Variants in MYH14 observed in about 807,000 individuals in gnomAD.
MYH14 encodes the protein myosin-14.
A neutral mutation model predicts 255.5 loss-of-function variants in MYH14; 123 were observed. The observed-to-expected ratio is 0.48, with a 90% CI of 0.42 to 0.56. The LOEUF (loss-of-function observed/expected upper bound fraction) is 0.56, where lower values mean the gene tolerates loss of function less well. MYH14 is among the 20% of genes least tolerant of loss of function. The pLI is 0.00. For synonymous variants in MYH14, 1,095 were observed against 1,161.2 expected (o/e 0.94, Z 1.16); for missense variants, 2,423 against 2,802.3 (o/e 0.86, Z 3.06).
Position 50,276,213 on chromosome 19 carries a change from G to A in MYH14, c.3680+10G>A, listed in dbSNP as rs773742154. 54 of 1,525,120 alleles carry A rather than the reference G, an allele frequency of 3.5e-5. No homozygotes were observed. The highest frequency in any genetic ancestry group is 4.7e-5 in the Non-Finnish European group (53 of 1,133,872). 94.5% of individuals were successfully genotyped at this position (1,525,120 alleles called of 1,614,324 possible). ...CACAGCAGGAGCTCCGGTGAGGCCC[G>A]GTGGCAGGCCGCTGTCACAGCCTGT... On this transcript the variant is annotated intron_variant, in intron 28 of 42. Transcript: ENST00000642316. This position sits in a 1 kb window ranked among gnomAD's most constrained non-coding sequence, Gnocchi z 4.3.
At chr19:50,244,781 C>CATCTCA (rs2034036879) in intron 11 of MYH14, among the ~76,000 whole-genome samples, 1 of 152,168 alleles carries the variant, frequency 6.6e-6, no homozygotes, top group Non-Finnish European at 1.5e-5. Flanking sequence ...CCGTGCCTGG[C>CATCTCA]CGATTTCCTG....
At position 50,289,637 on chromosome 19, in the gene MYH14, C is replaced by T. The variant is rs556985742; in HGVS notation, c.4954C>T (p.Leu1652=). The T allele has an allele frequency of 3.1e-6, 5 of 1,607,628 alleles. No individual in the cohort carries two copies. In the South Asian group the frequency reaches 4.4e-5, roughly 14 times the overall value. The part of the protein sequence containing the change: ...DEAGEERRRQ[L]AKQLRDAEVE... ...GGCTGGTGAAGAGAGGCGGAGGCAGCTGGCCAAGCAGGTATTGTCACACAG... is the reference window on the plus strand; with the variant it reads ...GGCTGGTGAAGAGAGGCGGAGGCAGTTGGCCAAGCAGGTATTGTCACACAG... The change falls in exon 35 of 43, where the codon CTG becomes TTG. Residue 1652 remains leucine (L), a synonymous_variant. Transcript: ENST00000642316.
At chr19:50,238,711 C>G (rs1468857126) in intron 10 of MYH14, among the ~76,000 whole-genome samples, 1 of 152,132 alleles carries the variant, frequency 6.6e-6, no homozygotes, top group East Asian at 1.9e-4. Flanking sequence ...CTTGGCCTCC[C>G]AAAGTGCTGG....
At chr19:50,279,917 T>G in intron 30 of MYH14, 120 bp from the exon 31 acceptor site, 1 of 790,012 alleles carries the variant, frequency 1.3e-6, no homozygotes, top group Non-Finnish European at 2.2e-6. Flanking sequence ...TCTGCCAGAC[T>G]GTTTTCCACG....
chr19:50,251,533 C>CATATATATAT (rs1568500555), intron 15 of MYH14, among the ~76,000 whole-genome samples: 54 of 52,258 alleles, frequency 1.0e-3, no homozygotes, highest in African/African-American at 3.6e-3. Flanking sequence ...CACACACACA[C>CATATATATAT]ACACACACAC....
At chr19:50,236,200 G>A (rs998697945) in intron 10 of MYH14, among the ~76,000 whole-genome samples, 1 of 151,972 alleles carries the variant, frequency 6.6e-6, no homozygotes, top group Non-Finnish European at 1.5e-5. Context: ...GGGCGTGGTG[G>A]TGTGCGCCTT....
chr19:50,288,157 C>T (rs563896369), intron 34 of MYH14, among the ~76,000 whole-genome samples: 8 of 152,336 alleles, frequency 5.3e-5, no homozygotes, highest in African/African-American at 1.4e-4. Flanking sequence ...ATGGATCACA[C>T]CCAGGGACAC....
chr19:50,227,019 C>G, intron 8 of MYH14, 53 bp downstream of exon 8: 1 of 1,572,120 alleles, frequency 6.4e-7, no homozygotes, highest in Non-Finnish European at 8.8e-7. Flanking sequence ...GCCTTTCAGA[C>G]AGCACTGAGT....
chr19:50,307,054 G>A lies in MYH14; in HGVS notation c.5684G>A (p.Arg1895His), dbSNP rs371404005. ...CTCCTCATCCCTCTCTTCAGAGAGC[G>A]CATCCTCTCTGGAAAGCTGGTGCGC... ...EEQLEQETRE[R>H]ILSGKLVRRA... Residue 1895 changes from arginine to histidine, a missense_variant, in exon 41 of 43, where the codon CGC becomes CAC. Coordinates refer to ENST00000642316, the MANE Select transcript of MYH14 (RefSeq NM_001145809.2). 61 of 1,547,872 alleles carry A rather than the reference G, an allele frequency of 3.9e-5. No individual in the cohort carries two copies. Among genetic ancestry groups the A allele is most frequent in the Non-Finnish European group, 3.1e-5 (35 of 1,144,162 alleles).
chr19:50,241,002 GT>G (rs1227639098), intron 10 of MYH14, among the ~76,000 whole-genome samples: 1 of 152,150 alleles, frequency 6.6e-6, no homozygotes, highest in East Asian at 1.9e-4. Context: ...TCATTTGTAA[GT>G]GTTTGGAACA....
At chr19:50,210,805 G>T in intron 2 of MYH14, 35 bp downstream of exon 2, 1 of 1,530,804 alleles carries the variant, frequency 6.5e-7, no homozygotes, top group Non-Finnish European at 8.8e-7. Flanking sequence ...GCGTGCGGCG[G>T]AGTTGCTGCC....
intron 39 of MYH14, among the ~76,000 whole-genome samples, chr19:50,301,350 G>A (rs1212554195): frequency 6.6e-6 from 1 of 152,104 alleles, no homozygotes; most frequent in Non-Finnish European, 1.5e-5. Flanking sequence ...CCCTTAGAAT[G>A]GACTCATTCA....
rs560968282 is a variant in MYH14, at chr19:50,295,048, G to A, written c.5469+1361G>A. Among the ~76,000 whole-genome samples, 332 of 150,800 alleles carry A rather than the reference G, an allele frequency of 2.2e-3. 4 individuals carry two copies. The highest frequency in any genetic ancestry group is 4.2e-3 in the Admixed American group (64 of 15,106). ...TTTTAAAAACAGGCCAGGTGTGGCC[G>A]GGCGCGGTGGCTCACGCCTGTAATC... is the stretch of plus-strand genomic sequence containing the variant. On this transcript the variant is annotated intron_variant, in intron 39 of 42. Coordinates refer to ENST00000642316, the MANE Select transcript of MYH14 (RefSeq NM_001145809.2).
At chr19:50,271,677 C>G in intron 25 of MYH14, 131 bp downstream of exon 25, 1 of 1,455,518 alleles carries the variant, frequency 6.9e-7, no homozygotes, top group Non-Finnish European at 9.3e-7. Flanking sequence ...TGGGATGGGT[C>G]TATAGCCCCA....
chr19:50,207,249 G>GAGAGAA (rs1568458225), intron 1 of MYH14, among the ~76,000 whole-genome samples: 13 of 126,506 alleles, frequency 1.0e-4, no homozygotes, highest in African/African-American at 3.2e-4. Flanking sequence ...GAGAGAGAGA[G>GAGAGAA]AGAGAGAAAG....
intron 11 of MYH14, among the ~76,000 whole-genome samples, chr19:50,246,287 C>T (rs142712883): frequency 0.047 from 7,199 of 151,918 alleles, 289 homozygotes; most frequent in Admixed American, 0.11. Context: ...ATTACAGGCA[C>T]GCACCACCAT....
At chr19:50,228,646 A>G (rs545003534) in intron 8 of MYH14, among the ~76,000 whole-genome samples, 1 of 152,228 alleles carries the variant, frequency 6.6e-6, no homozygotes, top group African/African-American at 2.4e-5. Flanking sequence ...TCTCCATGGT[A>G]CCTGCATATC....
intron 2 of MYH14, among the ~76,000 whole-genome samples, chr19:50,217,054 C>A (rs2032518489): frequency 6.6e-6 from 1 of 152,062 alleles, no homozygotes; most frequent in African/African-American, 2.4e-5. Context: ...CGTGATCCAC[C>A]CGTCTCGGCT....
intron 5 of MYH14, among the ~76,000 whole-genome samples, chr19:50,223,647 G>C (rs2032952793): frequency 6.6e-6 from 1 of 152,308 alleles, no homozygotes; most frequent in East Asian, 1.9e-4. Context: ...ATGATGCCTG[G>C]GTTTGTCGTC....
Sources: gnomAD v4.1 joint callset for allele counts (sites outside exome capture counted in the v4.1 genomes callset) on GRCh38, gnomAD v4.1.1 for gene constraint, Gnocchi (gnomAD v3.1) non-coding constraint, MANE v1.5 for transcripts, NCBI Gene and HGNC (gene_info 2026-07-23, HGNC 2026-07-21) for gene names.